RBPJ: variants seen among roughly 807,000 people sequenced by gnomAD.
The protein encoded by RBPJ is recombination signal binding protein for immunoglobulin kappa J region.
Under a neutral mutation model 67.8 loss-of-function variants are expected in RBPJ, and 9 were observed. The ratio of observed to expected loss-of-function variants is 0.13; its 90% CI spans 0.08 to 0.23. The LOEUF is 0.23. Among genes scored for constraint, RBPJ ranks in the 10% least tolerant of loss-of-function variants. The probability of loss-of-function intolerance (pLI) is 1.00; values close to 1 mark genes in which losing one functional copy is unlikely to be tolerated. For synonymous variants in RBPJ, 198 were observed against 203.3 expected, an observed-to-expected ratio of 0.97 and a Z score of 0.22; for missense variants, 305 against 595.6, an observed-to-expected ratio of 0.51 and a Z score of 5.08.
At chr4:26,149,047 G>C in the RBPJ span, among the ~76,000 whole-genome samples, 15 of 152,222 alleles carry the variant, frequency 9.9e-5, no homozygotes, top group African/African-American at 3.1e-4. Flanking sequence ...GAAGAGTGGG[G>C]CCACATTTCC....
intron 3 of RBPJ, among the ~76,000 whole-genome samples, chr4:26,411,375 T>C (rs898325600): frequency 6.6e-6 from 1 of 152,092 alleles, no homozygotes; most frequent in Non-Finnish European, 1.5e-5. Flanking sequence ...CTTTTTTTTT[T>C]GTATATATGC....
In RBPJ at chr4:26,386,342, T is replaced by C. The variant is rs574055339; in HGVS notation, c.21-11T>C. ...TACTTAACTTTATTTTCTTTATTTT[T>C]TTTTTTCCAGGAAATTTGGTGAGCG... On this transcript the variant is annotated splice_polypyrimidine_tract_variant and intron_variant, in intron 1 of 10. Coordinates refer to ENST00000355476, the MANE Select transcript of RBPJ (RefSeq NM_015874.6). 1 of 1,593,288 alleles carries C rather than the reference T, an allele frequency of 6.3e-7. No individual in the cohort carries two copies. Among genetic ancestry groups the C allele is most frequent in the East Asian group, 2.2e-5 (1 of 44,734 alleles).
At chr4:26,173,258 C>T (rs1016022630) in intron 1 of RBPJ, among the ~76,000 whole-genome samples, 3 of 152,170 alleles carry the variant, frequency 2.0e-5, no homozygotes. Context: ...GCCTCAGCCT[C>T]CCGAATAGCT....
At chr4:26,359,169 A>G (rs1469882641) in intron 1 of RBPJ, among the ~76,000 whole-genome samples, 2 of 152,204 alleles carry the variant, frequency 1.3e-5, no homozygotes, top group African/African-American at 4.8e-5. Context: ...TATATTTATT[A>G]AATGTATTTT....
At chr4:26,142,820 T>C in the RBPJ span, among the ~76,000 whole-genome samples, 3 of 152,176 alleles carry the variant, frequency 2.0e-5, no homozygotes, top group Non-Finnish European at 4.4e-5. Flanking sequence ...CTCGTTCTGT[T>C]GCCCAAGCTG....
intron 1 of RBPJ, among the ~76,000 whole-genome samples, chr4:26,223,890 G>A (rs560459016): frequency 6.6e-4 from 101 of 152,258 alleles, no homozygotes; most frequent in South Asian, 1.0e-3. Flanking sequence ...GCCCAAGTTG[G>A]AATCCATGCT....
the RBPJ span, among the ~76,000 whole-genome samples, chr4:26,153,075 C>G: frequency 7.9e-5 from 12 of 152,246 alleles, no homozygotes; most frequent in African/African-American, 2.9e-4. Context: ...ATACACATAG[C>G]CTGAAGGTAA....
In RBPJ at chr4:26,242,404, G is replaced by A. The variant is rs187354866; in HGVS notation, c.-167+78790G>A. Among the ~76,000 whole-genome samples the A allele has an allele frequency of 3.4e-5, 5 of 148,540 alleles. No homozygotes were observed. In the East Asian group the frequency reaches 6.0e-4, roughly 18 times the overall value. ...GGAACTTGCAGTGACAGGAGATTGCGCCGCTGTACTCCAGCCTGGACAACA... is the reference window on the plus strand; with the variant it reads ...GGAACTTGCAGTGACAGGAGATTGCACCGCTGTACTCCAGCCTGGACAACA... On this transcript the variant is annotated intron_variant, in intron 1 of 4. Transcript: ENST00000512351.
At chr4:26,164,109 C>T (rs564686662) in intron 1 of RBPJ, among the ~76,000 whole-genome samples, 2 of 140,210 alleles carry the variant, frequency 1.4e-5, no homozygotes, top group South Asian at 2.2e-4. Context: ...ATACTGATCA[C>T]GTTGGTTGTT....
intron 1 of RBPJ, among the ~76,000 whole-genome samples, chr4:26,357,105 T>C (rs564204114): frequency 6.6e-6 from 1 of 152,318 alleles, no homozygotes; most frequent in South Asian, 2.1e-4. Context: ...GACAAAAAAG[T>C]ATTTTTTAAT....
intron 1 of RBPJ, among the ~76,000 whole-genome samples, chr4:26,352,965 C>T (rs1363465901): frequency 6.6e-6 from 1 of 152,046 alleles, no homozygotes; most frequent in African/African-American, 2.4e-5. Flanking sequence ...TCTTATGTAC[C>T]GGTAGCTTTG....
chr4:26,152,965 G>A, the RBPJ span, among the ~76,000 whole-genome samples: 7 of 151,218 alleles, frequency 4.6e-5, no homozygotes, highest in African/African-American at 1.7e-4. Context: ...GGGATCCAAA[G>A]TGTCTGGGAT....
chr4:26,219,714 T>C (rs1251196707), intron 1 of RBPJ, among the ~76,000 whole-genome samples: 2 of 151,988 alleles, frequency 1.3e-5, no homozygotes, highest in Non-Finnish European at 2.9e-5. Context: ...AAGAAACAGG[T>C]TAAAATGACT....
chr4:26,219,023 A>G (rs900913867), intron 1 of RBPJ, among the ~76,000 whole-genome samples: 4 of 152,248 alleles, frequency 2.6e-5, no homozygotes, highest in African/African-American at 9.6e-5. Flanking sequence ...TAATGAGTGT[A>G]TTTATAACCC....
chr4:26,266,688 C>T (rs11931457), intron 1 of RBPJ, among the ~76,000 whole-genome samples: 5 of 152,006 alleles, frequency 3.3e-5, no homozygotes, highest in African/African-American at 1.2e-4. Flanking sequence ...GAGTGATCTT[C>T]CTGCTGTTTT....
intron 1 of RBPJ, among the ~76,000 whole-genome samples, chr4:26,349,087 T>TGTGCGCGC (rs1553867463): frequency 3.0e-5 from 2 of 67,652 alleles, no homozygotes; most frequent in Non-Finnish European, 7.3e-5. Flanking sequence ...TGTGTGTGTG[T>TGTGCGCGC]GCGCGCGCGC....
At chr4:26,291,932 G>A (rs995293283) in intron 1 of RBPJ, among the ~76,000 whole-genome samples, 5 of 150,488 alleles carry the variant, frequency 3.3e-5, no homozygotes, top group Non-Finnish European at 7.4e-5. Flanking sequence ...GTTTTATTGA[G>A]GTATACTTGA....
chr4:26,223,471 C>T (rs900108018), intron 1 of RBPJ, among the ~76,000 whole-genome samples: 6 of 152,118 alleles, frequency 3.9e-5, no homozygotes, highest in Admixed American at 1.3e-4. Context: ...TGCCTGAGAG[C>T]GGTCTTGAAA....
intron 1 of RBPJ, among the ~76,000 whole-genome samples, chr4:26,342,333 G>A (rs544192284): frequency 1.3e-5 from 2 of 151,150 alleles, no homozygotes; most frequent in African/African-American, 4.8e-5. Context: ...ATTAGACCTT[G>A]CCATCGTTTG....
Sources: allele counts gnomAD v4.1 joint callset (sites outside exome capture counted in the v4.1 genomes callset), GRCh38; gene constraint gnomAD v4.1.1; transcripts MANE v1.5; gene names NCBI Gene and HGNC (gene_info 2026-07-23, HGNC 2026-07-21).